FRMPD4: variants seen among roughly 807,000 people sequenced by gnomAD.
FRMPD4 encodes FERM and PDZ domain containing 4, also known as FERM and PDZ domain-containing protein 4.
Under a neutral mutation model 94.1 loss-of-function variants are expected in FRMPD4, and 22 were observed. The observed-to-expected ratio is 0.23, with a 90% CI of 0.17 to 0.33. FRMPD4 has a LOEUF of 0.33. Among genes scored for constraint, FRMPD4 ranks in the 10% least tolerant of loss-of-function variants. FRMPD4 has a pLI of 1.00. For synonymous variants in FRMPD4, 631 were observed against 548.6 expected (o/e 1.15, Z -2.10); for missense variants, 1,111 against 1,339.9 (o/e 0.83, Z 2.67).
intron 1 of FRMPD4, among the ~76,000 whole-genome samples, chrX:12,379,059 C>T (rs2056281496): frequency 8.9e-6 from 1 of 111,809 alleles, no homozygotes; most frequent in Admixed American, 9.5e-5. Context: ...GTGACTTTTG[C>T]CTTAGATTCC....
At chrX:11,829,015 A>G (rs1350371621) in intron 1 of FRMPD4, among the ~76,000 whole-genome samples, 2 of 112,190 alleles carry the variant, frequency 1.8e-5, no homozygotes, top group African/African-American at 6.5e-5. Context: ...CAACGTCCCA[A>G]CTTGAAGGCA....
At chrX:12,204,152 G>T (rs903051128) in intron 1 of FRMPD4, among the ~76,000 whole-genome samples, 3 of 112,212 alleles carry the variant, frequency 2.7e-5, no homozygotes, top group African/African-American at 9.7e-5. Flanking sequence ...AGACATACTT[G>T]GTTGTCACAA....
At chrX:12,168,408 G>A (rs1041707041) in intron 1 of FRMPD4, among the ~76,000 whole-genome samples, 1 of 109,143 alleles carries the variant, frequency 9.2e-6, no homozygotes, top group Non-Finnish European at 1.9e-5. Flanking sequence ...CAGTGTGATC[G>A]GAATGCCATC....
intron 1 of FRMPD4, among the ~76,000 whole-genome samples, chrX:12,270,605 ATG>A (rs1173939066): frequency 8.9e-6 from 1 of 112,066 alleles, no homozygotes; most frequent in Non-Finnish European, 1.9e-5. Context: ...ATATACATAT[ATG>A]TGTGTATCTA....
chrX:12,612,056 T>C (rs2148421285), intron 3 of FRMPD4, among the ~76,000 whole-genome samples: 1 of 111,623 alleles, frequency 9.0e-6, no homozygotes, highest in Non-Finnish European at 1.9e-5. Flanking sequence ...GATCATATAT[T>C]TTACACATAC....
intron 2 of FRMPD4, among the ~76,000 whole-genome samples, chrX:12,591,160 A>G (rs1489580300): frequency 8.9e-6 from 1 of 112,210 alleles, no homozygotes. Flanking sequence ...CTCATCAATA[A>G]CAGCAACAGT....
At chrX:12,706,963 C>A in intron 12 of FRMPD4, 48 bp downstream of exon 12, 1 of 649,144 alleles carries the variant, frequency 1.5e-6, no homozygotes, top group Middle Eastern at 3.4e-4. Context: ...GAAGCCACAG[C>A]AGCTCATTCC....
At chrX:11,966,984 A>T (rs1000754440) in intron 3 of FRMPD4, among the ~76,000 whole-genome samples, 1 of 112,256 alleles carries the variant, frequency 8.9e-6, no homozygotes, top group African/African-American at 3.2e-5. Context: ...TCAGCAAGTA[A>T]GTGGCATGGG....
At chrX:12,393,861 G>A (rs759388306) in intron 1 of FRMPD4, among the ~76,000 whole-genome samples, 1 of 111,898 alleles carries the variant, frequency 8.9e-6, no homozygotes, top group African/African-American at 3.2e-5. Flanking sequence ...AAAAATAAGA[G>A]CTTTTAGAGA....
Position 11,842,283 on chromosome X carries a change from C to T in FRMPD4, c.-161+19568C>T, listed in dbSNP as rs1267007845. On this transcript the variant is annotated intron_variant, in intron 1 of 18. Coordinates refer to the FRMPD4 transcript ENST00000640291. ...AAAGTAGTTTTTTCCAATTCTGTGA[C>T]GAAAGTCATTGGTAGCTTGATGGGG... Among the ~76,000 whole-genome samples, 107 of 93,333 alleles carry T rather than the reference C, an allele frequency of 1.1e-3. 2 individuals carry two copies. The highest frequency in any genetic ancestry group is 4.6e-3 in the African/African-American group (96 of 21,061). 81.0% of individuals were successfully genotyped at this position (93,333 alleles called of 115,157 possible).
intron 3 of FRMPD4, among the ~76,000 whole-genome samples, chrX:11,966,159 C>A (rs1366473314): frequency 9.0e-6 from 1 of 111,495 alleles, no homozygotes; most frequent in Non-Finnish European, 1.9e-5. Flanking sequence ...ATATTTGCAT[C>A]AAATAATATG....
intron 1 of FRMPD4, among the ~76,000 whole-genome samples, chrX:12,189,433 C>T (rs1032884731): frequency 1.8e-5 from 2 of 111,154 alleles, no homozygotes; most frequent in African/African-American, 3.3e-5. Flanking sequence ...GCCGGCAGTA[C>T]TCTAATACCA....
chrX:12,273,717 C>T (rs935571341), intron 1 of FRMPD4, among the ~76,000 whole-genome samples: 4 of 111,690 alleles, frequency 3.6e-5, no homozygotes, highest in Admixed American at 9.5e-5. Flanking sequence ...AAGTGCCCAT[C>T]CCCTGCTAAG....
intron 3 of FRMPD4, among the ~76,000 whole-genome samples, chrX:12,072,031 C>T (rs1027650269): frequency 3.6e-5 from 4 of 110,835 alleles, no homozygotes; most frequent in Non-Finnish European, 7.6e-5. Flanking sequence ...TGCTCTGTTC[C>T]TCAGGCTGGC....
At chrX:12,701,781 A>G (rs376442848) in intron 9 of FRMPD4, 93 bp from the exon 10 acceptor site, 1 of 957,039 alleles carries the variant, frequency 1.0e-6, no homozygotes, top group African/African-American at 1.9e-5. Flanking sequence ...GTGAAGGTTG[A>G]ATCACTCGGG....
At chrX:12,595,004 G>A (rs1225438211) in intron 2 of FRMPD4, among the ~76,000 whole-genome samples, 6 of 111,944 alleles carry the variant, frequency 5.4e-5, no homozygotes, top group African/African-American at 2.0e-4. Flanking sequence ...AAATGAATGT[G>A]CTAATACATA....
At chrX:12,528,302 T>C (rs2058246140) in intron 2 of FRMPD4, among the ~76,000 whole-genome samples, 1 of 101,688 alleles carries the variant, frequency 9.8e-6, no homozygotes, top group African/African-American at 3.8e-5. Context: ...TCTGTTAGTC[T>C]GTTTTTTTTT....
intron 2 of FRMPD4, among the ~76,000 whole-genome samples, chrX:12,585,226 A>T (rs1392180133): frequency 8.6e-5 from 9 of 104,068 alleles, no homozygotes; most frequent in African/African-American, 3.2e-4. Flanking sequence ...CAAATAATCA[A>T]TTTTTTTTTT....
chrX:12,379,122 G>T (rs1310817953), intron 1 of FRMPD4, among the ~76,000 whole-genome samples: 1 of 112,086 alleles, frequency 8.9e-6, no homozygotes, highest in Non-Finnish European at 1.9e-5. Context: ...CTTGAGGAGA[G>T]GGTGAAGCTC....
Sources: gnomAD v4.1 joint callset for allele counts (sites outside exome capture counted in the v4.1 genomes callset) on GRCh38, gnomAD v4.1.1 for gene constraint, MANE v1.5 for transcripts, NCBI Gene and HGNC (gene_info 2026-07-23, HGNC 2026-07-21) for gene names.